The following WDR37 variants were observed in gnomAD, a reference collection of about 807,000 sequenced individuals.
The protein encoded by WDR37 is WD repeat domain 37, also known as WD repeat-containing protein 37.
In WDR37, 19 loss-of-function variants were observed where a neutral mutation model predicts 62.9. The ratio of observed to expected loss-of-function variants is 0.30; its 90% CI spans 0.21 to 0.44. The LOEUF is 0.44. Among genes scored for constraint, WDR37 ranks in the 20% least tolerant of loss-of-function variants. The pLI is 1.00. For synonymous variants in WDR37, 250 were observed against 260.9 expected (o/e 0.96, Z 0.40); for missense variants, 474 against 657.6 (o/e 0.72, Z 3.05).
intron 10 of WDR37, among the ~76,000 whole-genome samples, chr10:1,104,345 G>A (rs952972568): frequency 2.0e-5 from 3 of 152,210 alleles, no homozygotes; most frequent in Admixed American, 6.5e-5. Context: ...GCTGCCAGCC[G>A]GGGCTCCTCT....
chr10:1,106,018 G>A (rs1004052903), intron 11 of WDR37, among the ~76,000 whole-genome samples: 21 of 152,050 alleles, frequency 1.4e-4, no homozygotes, highest in African/African-American at 2.4e-4. Flanking sequence ...ATCTCCTGAC[G>A]TCGTGATCCG....
At position 1,056,631 on chromosome 10, in the gene WDR37, G is replaced by C. The variant is rs1315577273; in HGVS notation, c.-378G>C. The C allele has an allele frequency of 6.6e-6, 1 of 152,266 alleles. No individual in the cohort carries two copies. The highest frequency in any genetic ancestry group is 2.1e-4 in the South Asian group (1 of 4,840). The allele number at this position is 152,266 out of a possible 1,614,324, so 9.4% of individuals were successfully genotyped here. On this transcript the variant is annotated 5_prime_UTR_variant, in exon 1 of 14. Transcript: ENST00000263150. ...TCGGCGGCAGGAGTACGTGACCAAG[G>C]GTGGGGGCGTTGGCCCAGCAGCCGA...
chr10:1,126,393 G>T (rs544923922), intron 13 of WDR37, among the ~76,000 whole-genome samples: 3 of 142,274 alleles, frequency 2.1e-5, no homozygotes, highest in Admixed American at 6.8e-5. Context: ...GCGACAGAGC[G>T]AGACTGTGTC....
chr10:1,106,326 C>T (rs1835019835), intron 11 of WDR37, among the ~76,000 whole-genome samples: 1 of 152,212 alleles, frequency 6.6e-6, no homozygotes, highest in Admixed American at 6.5e-5. Context: ...CTCGCTCCTC[C>T]ATGCTCCCCC....
rs1833752736 is a variant in WDR37, at chr10:1,072,260, G to A, written c.105G>A (p.Arg35=). The part of the protein sequence containing the change: ...IRRTNSSEQE[R]TGLPRDMLEG... Reference sequence around the variant, plus strand: ...GAACTAACAGCTCGGAGCAGGAGAGGACGGGACTGCCAAGAGACATGTTAG... The same window carrying A: ...GAACTAACAGCTCGGAGCAGGAGAGAACGGGACTGCCAAGAGACATGTTAG... The change falls in exon 2 of 14, where the codon AGG becomes AGA. Residue 35 remains arginine, a synonymous_variant. Transcript: ENST00000263150. 6.2e-7 allele frequency: 1 copy of A among 1,614,208 alleles called. No homozygotes were observed. Among genetic ancestry groups the A allele is most frequent in the Non-Finnish European group, 8.5e-7 (1 of 1,180,028 alleles).
intron 11 of WDR37, among the ~76,000 whole-genome samples, chr10:1,108,535 A>G (rs1300330486): frequency 1.3e-5 from 2 of 152,190 alleles, no homozygotes; most frequent in Non-Finnish European, 1.5e-5. Context: ...TATTCTATGG[A>G]TGTTAATTCC....
intron 3 of WDR37, 122 bp downstream of exon 3, chr10:1,078,125 G>A: frequency 1.4e-6 from 1 of 705,630 alleles, no homozygotes; most frequent in Non-Finnish European, 2.2e-6. Context: ...ACTTATTTTA[G>A]TGGCTTAAAC....
At chr10:1,083,512 G>T (rs572885761) in intron 5 of WDR37, among the ~76,000 whole-genome samples, 1 of 152,172 alleles carries the variant, frequency 6.6e-6, no homozygotes, top group Non-Finnish European at 1.5e-5. Context: ...TCTTCACTTA[G>T]TTTTTTTGTT....
intron 1 of WDR37, among the ~76,000 whole-genome samples, chr10:1,058,236 C>G (rs1245635841): frequency 6.6e-6 from 1 of 152,214 alleles, no homozygotes; most frequent in Non-Finnish European, 1.5e-5. Flanking sequence ...CAAGGCCTTC[C>G]TAAGTCCCGA....
At chr10:1,088,240 A>C (rs528569439) in intron 7 of WDR37, among the ~76,000 whole-genome samples, 8 of 152,290 alleles carry the variant, frequency 5.3e-5, no homozygotes, top group African/African-American at 1.9e-4. Flanking sequence ...TGTTCACTGG[A>C]ATAGTGCTCT....
chr10:1,106,126 G>A (rs867933492), intron 11 of WDR37, among the ~76,000 whole-genome samples: 12 of 152,118 alleles, frequency 7.9e-5, no homozygotes, highest in African/African-American at 2.4e-4. Flanking sequence ...TTCCGTGACC[G>A]TCTCCTTCCC....
rs184104973 is a variant in WDR37, at chr10:1,132,297, G to A, written c.*2953G>A. 1 of 152,210 alleles carries A rather than the reference G, an allele frequency of 6.6e-6. No individual in the cohort carries two copies. Among genetic ancestry groups the A allele is most frequent in the East Asian group, 1.9e-4 (1 of 5,188 alleles). 9.4% of individuals were successfully genotyped at this position (152,210 alleles called of 1,614,324 possible). On this transcript the variant is annotated 3_prime_UTR_variant, in exon 14 of 14. Transcript: ENST00000263150. ...TGAACAAATATAATACTGGTCACTC[G>A]AAAAATTTTTAGACTTAAAAAGTCA...
chr10:1,124,913 C>A lies in WDR37; in HGVS notation c.1242C>A (p.Ile414=). 5 of 1,614,126 alleles carry A rather than the reference C, an allele frequency of 3.1e-6. No individual in the cohort carries two copies. Among genetic ancestry groups the A allele is most frequent in the Non-Finnish European group, 4.2e-6 (5 of 1,180,010 alleles). Residue 414 remains isoleucine, a synonymous_variant, in exon 13 of 14, where the codon ATC becomes ATA. Transcript: ENST00000263150. ...CACTTTTACCTCTTCTTTGCAGGAT[C>A]AATGTATGTGTCGGCCAAAAAATCA... ...TIRTDSAINR[I]NVCVGQKIIA...
chr10:1,071,180 A>G lies in WDR37; in HGVS notation c.-40-936A>G, dbSNP rs552190194. ...TGGGACTTGGGCCAGTCTTTTCTCT[A>G]AAAGAAGATGATGGAGGCATGTTGG... On this transcript the variant is annotated intron_variant, in intron 1 of 13. Transcript: ENST00000263150. Among the ~76,000 whole-genome samples, 393 of 152,278 alleles carry G rather than the reference A, an allele frequency of 2.6e-3. 1 individual carries two copies. The highest frequency in any genetic ancestry group is 9.2e-3 in the African/African-American group (381 of 41,558).
At chr10:1,092,457 C>T (rs897342325) in intron 7 of WDR37, among the ~76,000 whole-genome samples, 1 of 151,566 alleles carries the variant, frequency 6.6e-6, no homozygotes, top group South Asian at 2.1e-4. Context: ...GCAAGCTCTG[C>T]CCCCCTGGGT....
At chr10:1,114,005 A>G (rs753012990) in intron 11 of WDR37, among the ~76,000 whole-genome samples, 4 of 118,584 alleles carry the variant, frequency 3.4e-5, no homozygotes, top group Admixed American at 1.2e-4. Flanking sequence ...TGCCTAGGCT[A>G]TAGTGCAGTG....
At chr10:1,100,484 C>T (rs1302817613) in intron 9 of WDR37, among the ~76,000 whole-genome samples, 1 of 152,206 alleles carries the variant, frequency 6.6e-6, no homozygotes, top group Non-Finnish European at 1.5e-5. Flanking sequence ...CTTAGCAGTT[C>T]TAATTTTCAA....
Position 1,115,756 on chromosome 10 carries a change from T to G in WDR37, c.1104-8462T>G, listed in dbSNP as rs142966158. 3.9e-3 allele frequency among the ~76,000 whole-genome samples: 596 copies of G among 152,288 alleles called. 4 individuals are homozygous for G. Among genetic ancestry groups the G allele is most frequent in the African/African-American group, 0.013 (543 of 41,554 alleles). On this transcript the variant is annotated intron_variant, in intron 11 of 13. Coordinates refer to ENST00000263150, the MANE Select transcript of WDR37 (RefSeq NM_014023.4). Reference sequence around the variant, plus strand: ...TCCACTTTCAGATCTGCTTTCTTTTTGGTGATGGCTTTTGAGTCCTTGTCT... The same window carrying G: ...TCCACTTTCAGATCTGCTTTCTTTTGGGTGATGGCTTTTGAGTCCTTGTCT...
chr10:1,131,486 C>T lies in WDR37; in HGVS notation c.*2142C>T, dbSNP rs1396135120. ...CTGGTGCCCTTTACTGCCACAGCTG[C>T]TCACCTTGTCTGGCAAACTGGAGGG... On this transcript the variant is annotated 3_prime_UTR_variant, in exon 14 of 14. Transcript: ENST00000263150. The T allele has an allele frequency of 2.0e-5, 3 of 152,324 alleles. No individual in the cohort carries two copies. The highest frequency in any genetic ancestry group is 4.4e-5 in the Non-Finnish European group (3 of 68,104). The allele number at this position is 152,324 out of a possible 1,614,324, so 9.4% of individuals were successfully genotyped here. A position where few individuals can be genotyped will look rare whatever the true frequency, so the allele number is the denominator to read the frequency against.
Sources: allele counts gnomAD v4.1 joint callset (sites outside exome capture counted in the v4.1 genomes callset), GRCh38; gene constraint gnomAD v4.1.1; transcripts MANE v1.5; gene names NCBI Gene and HGNC (gene_info 2026-07-23, HGNC 2026-07-21).